WWTR1: variants seen among roughly 807,000 people sequenced by gnomAD.
The protein encoded by WWTR1 is WW domain containing transcription regulator 1, also known as WW domain-containing transcription regulator protein 1.
A neutral mutation model predicts 40.1 loss-of-function variants in WWTR1; 13 were observed. That is an observed-to-expected ratio of 0.32 (90% CI 0.21 to 0.52). WWTR1 has a LOEUF of 0.52. Among genes scored for constraint, WWTR1 ranks in the 20% least tolerant of loss-of-function variants. WWTR1 has a pLI of 0.97. For missense variants in WWTR1, 436 were observed against 523.1 expected (o/e 0.83, Z 1.63); for synonymous variants, 230 against 210.1 (o/e 1.09, Z -0.82).
chr3:149,632,361 G>A (rs917117810), intron 2 of WWTR1, among the ~76,000 whole-genome samples: 20 of 152,052 alleles, frequency 1.3e-4, no homozygotes, highest in African/African-American at 4.3e-4. Context: ...CTTTACCAAC[G>A]AGGAAACGTG....
intron 3 of WWTR1, among the ~76,000 whole-genome samples, chr3:149,552,590 C>G (rs1454292058): frequency 6.6e-6 from 1 of 152,220 alleles, no homozygotes; most frequent in Non-Finnish European, 1.5e-5. Context: ...CTTCCTCTTA[C>G]TTCCAGAGCA....
intron 3 of WWTR1, among the ~76,000 whole-genome samples, chr3:149,546,846 C>T (rs1045146554): frequency 2.0e-5 from 3 of 152,132 alleles, no homozygotes; most frequent in Non-Finnish European, 4.4e-5. Flanking sequence ...GCAACCTCTC[C>T]TTATGGAGAT....
chr3:149,617,730 G>T (rs1740055829), intron 2 of WWTR1, among the ~76,000 whole-genome samples: 1 of 152,210 alleles, frequency 6.6e-6, no homozygotes, highest in South Asian at 2.1e-4. Flanking sequence ...AACCCGGGAG[G>T]TGGAGGTTAA....
In WWTR1 at chr3:149,518,246, ATCT is replaced by A. The variant is rs1039474707; in HGVS notation, c.*2556_*2558del. 4.6e-5 allele frequency: 7 copies of A among 152,248 alleles called. No individual in the cohort carries two copies. In the South Asian group the frequency reaches 6.2e-4, roughly 14 times the overall value. 9.4% of individuals were successfully genotyped at this position (152,248 alleles called of 1,614,324 possible). Reference sequence around the variant, plus strand: ...TGTTCTAACTAATTTAACTAAAAAAATCTTCTAGTATTTTCTGATGCCACAAGC... The same window carrying A: ...TGTTCTAACTAATTTAACTAAAAAAATCTAGTATTTTCTGATGCCACAAGC... On this transcript the variant is annotated 3_prime_UTR_variant, in exon 7 of 7. Transcript: ENST00000360632.
intron 3 of WWTR1, among the ~76,000 whole-genome samples, chr3:149,568,543 A>C (rs753499755): frequency 0.11 from 14,148 of 126,962 alleles, 1,287 homozygotes; most frequent in African/African-American, 0.16. Flanking sequence ...AAAAAAAAAA[A>C]AAAAAAAAAA....
At chr3:149,673,868 G>A (rs1714174921) in intron 1 of WWTR1, among the ~76,000 whole-genome samples, 1 of 151,994 alleles carries the variant, frequency 6.6e-6, no homozygotes, top group Admixed American at 6.6e-5. Context: ...ACCAAGGTAA[G>A]AGTCAAGACA....
chr3:149,584,628 A>G (rs1276274560), intron 2 of WWTR1, among the ~76,000 whole-genome samples: 2 of 152,186 alleles, frequency 1.3e-5, no homozygotes, highest in Non-Finnish European at 2.9e-5. Flanking sequence ...CTTGAAAATA[A>G]TTATCAGGAA....
At chr3:149,581,964 A>G (rs1439215733) in intron 2 of WWTR1, among the ~76,000 whole-genome samples, 2 of 152,128 alleles carry the variant, frequency 1.3e-5, no homozygotes, top group African/African-American at 4.8e-5. Flanking sequence ...CCAAATCAGG[A>G]CTGTAATACC....
In WWTR1 at chr3:149,714,211, G is replaced by C. The variant is rs1715543516; in HGVS notation, n.584+3231C>G. Among the ~76,000 whole-genome samples the C allele has an allele frequency of 2.0e-5, 3 of 152,244 alleles. 1 individual carries two copies. Among genetic ancestry groups the C allele is most frequent in the Admixed American group, 2.0e-4 (3 of 15,288 alleles). ...CCTGGACCTTTCGGGTGCGGCTGCA[G>C]CCACCCAAGACACCGCTGTGGACAT... On this transcript the variant is annotated intron_variant and non_coding_transcript_variant, in intron 5 of 6. Transcript: ENST00000474080.
chr3:149,544,194 T>C (rs930355687), intron 3 of WWTR1, among the ~76,000 whole-genome samples: 2 of 152,176 alleles, frequency 1.3e-5, no homozygotes, highest in Admixed American at 1.3e-4. Context: ...ATGTATTAAA[T>C]GTATAATATA....
chr3:149,719,051 C>G (rs1715680866), intron 4 of WWTR1, among the ~76,000 whole-genome samples: 4 of 152,040 alleles, frequency 2.6e-5, no homozygotes, highest in Admixed American at 6.6e-5. Flanking sequence ...GTCTTGAACT[C>G]CTGACCTCAA....
chr3:149,582,864 TAG>T (rs1461207006), intron 2 of WWTR1, among the ~76,000 whole-genome samples: 4 of 152,250 alleles, frequency 2.6e-5, no homozygotes, highest in Non-Finnish European at 5.9e-5. Flanking sequence ...ATGTACTTGG[TAG>T]AGTCTTTATT....
chr3:149,714,300 GCTGCAGACGCCGAGCTGCGA>G (rs979054321), intron 5 of WWTR1, among the ~76,000 whole-genome samples: 2 of 151,942 alleles, frequency 1.3e-5, no homozygotes, highest in African/African-American at 4.8e-5. Flanking sequence ...CCTGGACCCA[GCTGCAGACGCCGAGCTGCGA>G]CTGCAGAACC....
intron 2 of WWTR1, among the ~76,000 whole-genome samples, chr3:149,668,654 T>G (rs1314301300): frequency 6.7e-6 from 1 of 150,126 alleles, no homozygotes; most frequent in African/African-American, 2.4e-5. Context: ...ACATCACAAC[T>G]CAAGGTCTAA....
At chr3:149,699,098 T>A (rs1178423731) in intron 1 of WWTR1, among the ~76,000 whole-genome samples, 1 of 152,246 alleles carries the variant, frequency 6.6e-6, no homozygotes, top group Non-Finnish European at 1.5e-5. Context: ...AAAGTGTTTT[T>A]CTTTCTCTGC....
At chr3:149,595,392 T>C (rs1281434262) in intron 2 of WWTR1, among the ~76,000 whole-genome samples, 2 of 152,014 alleles carry the variant, frequency 1.3e-5, no homozygotes, top group Admixed American at 1.3e-4. Context: ...GTTGATTTTG[T>C]CACACATGTA....
chr3:149,564,730 G>C (rs1372103949), intron 3 of WWTR1, among the ~76,000 whole-genome samples: 1 of 152,042 alleles, frequency 6.6e-6, no homozygotes, highest in Non-Finnish European at 1.5e-5. Flanking sequence ...AAGAAGCTTA[G>C]TCTTGTGAAA....
intron 2 of WWTR1, among the ~76,000 whole-genome samples, chr3:149,642,731 G>C (rs1295088283): frequency 4.0e-5 from 6 of 150,782 alleles, no homozygotes; most frequent in Non-Finnish European, 8.9e-5. Flanking sequence ...GCCGAGATCG[G>C]GCCACTGCAC....
intron 1 of WWTR1, among the ~76,000 whole-genome samples, chr3:149,695,606 C>CAA (rs1714958680): frequency 6.6e-6 from 1 of 150,556 alleles, no homozygotes; most frequent in African/African-American, 2.4e-5. Flanking sequence ...ACTAAAAATA[C>CAA]AAAAATTCTC....
Sources: allele counts gnomAD v4.1 joint callset (sites outside exome capture counted in the v4.1 genomes callset), GRCh38; gene constraint gnomAD v4.1.1; transcripts MANE v1.5; gene names NCBI Gene and HGNC (gene_info 2026-07-23, HGNC 2026-07-21).